Variants in DDB1 observed in about 807,000 individuals in gnomAD.
DDB1 encodes DNA damage-binding protein 1.
A neutral mutation model predicts 133.1 loss-of-function variants in DDB1; 18 were observed. The ratio of observed to expected loss-of-function variants is 0.14; its 90% CI spans 0.09 to 0.20. The LOEUF (loss-of-function observed/expected upper bound fraction) is 0.20. Among genes scored for constraint, DDB1 ranks in the 10% least tolerant of loss-of-function variants. The pLI, the probability that DDB1 is intolerant of heterozygous loss-of-function variation, is 1.00. For synonymous variants in DDB1, 580 were observed against 550.5 expected (o/e 1.05, Z -0.75); for missense variants, 828 against 1,459.2 (o/e 0.57, Z 7.05).
At chr11:61,320,951 A>G (rs1461388735) in intron 10 of DDB1, among the ~76,000 whole-genome samples, 1 of 151,238 alleles carries the variant, frequency 6.6e-6, no homozygotes, top group East Asian at 1.9e-4. Flanking sequence ...TGGCACAATC[A>G]TGGCTCTCTA....
chr11:61,330,276 A>C, intron 2 of DDB1: 1 of 433,434 alleles, frequency 2.3e-6, no homozygotes, highest in East Asian at 3.4e-5. Context: ...AAGCTGGTAA[A>C]CATCTAGTTC....
intron 10 of DDB1, among the ~76,000 whole-genome samples, chr11:61,320,738 G>A (rs1052888715): frequency 7.9e-5 from 12 of 151,996 alleles, no homozygotes; most frequent in Non-Finnish European, 1.5e-4. Flanking sequence ...ACTTTAAGGT[G>A]GTTTTGTTTT....
At chr11:61,321,045 T>G (rs548939689) in intron 10 of DDB1, among the ~76,000 whole-genome samples, 6 of 152,092 alleles carry the variant, frequency 3.9e-5, no homozygotes, top group Non-Finnish European at 4.4e-5. Flanking sequence ...CCATCACCCC[T>G]GGCTAATTTT....
rs769585479 is a variant in DDB1 at position 61,330,039 on chromosome 11, C to G, written c.246G>C (p.Ala82=). The G allele has an allele frequency of 1.2e-6, 2 of 1,613,670 alleles. No homozygotes were observed. Among genetic ancestry groups the G allele is most frequent in the Non-Finnish European group, 1.7e-6 (2 of 1,179,738 alleles). Residue 82 remains alanine, a synonymous_variant, in exon 3 of 27, where the codon GCG becomes GCC. Transcript: ENST00000301764. ...ESKDLLFILT[A]KYNACILEYK... is the part of the protein sequence containing the mutation. ...ACTCCAGGATGCAGGCATTGTACTT[C>G]GCTGTCAAGATAAACAGCAGGTCCT...
chr11:61,315,261 T>C (rs974053578), intron 12 of DDB1: 2 of 152,246 alleles, frequency 1.3e-5, no homozygotes, highest in Non-Finnish European at 2.9e-5. Flanking sequence ...TAGAAATATA[T>C]TGTATAAATT....
Position 61,299,899 on chromosome 11 carries a change from G to A in DDB1, c.*237C>T. The A allele has an allele frequency of 1.8e-6, 1 of 564,482 alleles. No homozygotes were observed. The highest frequency in any genetic ancestry group is 4.8e-4 in the Middle Eastern group (1 of 2,084). The allele number at this position is 564,482 out of a possible 1,614,324, so 35.0% of individuals were successfully genotyped here. ...ACCAATCAAGGCTTGGTGGTCTAAG[G>A]TGATGGCTGGAATCATGTGAGACTG... On this transcript the variant is annotated 3_prime_UTR_variant, in exon 27 of 27. Transcript: ENST00000301764.
Position 61,310,430 on chromosome 11 carries a change from G to C in DDB1, c.2278-12C>G, listed in dbSNP as rs752780298. 47 of 1,593,414 alleles carry C rather than the reference G, an allele frequency of 2.9e-5. No homozygotes were observed. The highest frequency in any genetic ancestry group is 4.0e-5 in the Non-Finnish European group (47 of 1,170,990). On this transcript the variant is annotated splice_polypyrimidine_tract_variant and intron_variant, in intron 18 of 26. Coordinates refer to ENST00000301764, the MANE Select transcript of DDB1 (RefSeq NM_001923.5). ...CTGCTGGACAGAGCCTGCAAACAGA[G>C]AGAATGCACATCATCCTTCTCAAAC...
intron 21 of DDB1, among the ~76,000 whole-genome samples, chr11:61,304,462 G>T (rs1590679443): frequency 6.6e-6 from 1 of 151,568 alleles, no homozygotes; most frequent in African/African-American, 2.4e-5. Context: ...GCGAGACTCT[G>T]TCTCAAAAAA....
At chr11:61,321,422 TAAAGTTTAC>T in intron 10 of DDB1, 164 bp downstream of exon 10, 2 of 434,688 alleles carry the variant, frequency 4.6e-6, no homozygotes, top group East Asian at 3.6e-5. Flanking sequence ...TTTTTTTTTC[TAAAGTTTAC>T]TTTTATACTT....
intron 21 of DDB1, among the ~76,000 whole-genome samples, chr11:61,304,474 A>T (rs556164447): frequency 6.6e-6 from 1 of 152,200 alleles, no homozygotes; most frequent in African/African-American, 2.4e-5. Flanking sequence ...CTCAAAAAAA[A>T]GAAAGAAAGA....
rs1226432777 is a variant in DDB1, at chr11:61,311,724, T to G, written c.2277+60A>C. 11 of 1,474,976 alleles carry G rather than the reference T, an allele frequency of 7.5e-6. No homozygotes were observed. The Admixed American group carries it at 2.3e-4, about 31-fold the overall frequency. The allele number at this position is 1,474,976 out of a possible 1,614,324, so 91.4% of individuals were successfully genotyped here. A position where few individuals can be genotyped will look rare whatever the true frequency, so the allele number is the denominator to read the frequency against. On this transcript the variant is annotated intron_variant, in intron 18 of 26. Coordinates refer to ENST00000301764, the MANE Select transcript of DDB1 (RefSeq NM_001923.5). ...AGCCGAAAGCCTTCACTACCTGGCC[T>G]GTACAGAAAGCTTGCTGGCCCCTGC...
chr11:61,307,530 C>A (rs990080100), intron 21 of DDB1, among the ~76,000 whole-genome samples: 4 of 152,184 alleles, frequency 2.6e-5, no homozygotes, highest in African/African-American at 4.8e-5. Context: ...GGATCTTCAC[C>A]CTATCTCTGA....
rs1484985391 is a variant in DDB1, at chr11:61,330,036, C to T, written c.249G>A (p.Lys83=). Residue 83 remains lysine, a synonymous_variant, in exon 3 of 27, where the codon AAG becomes AAA. Transcript: ENST00000301764. ...SKDLLFILTA[K]YNACILEYKQ... is the part of the protein sequence containing the mutation. ...TATACTCCAGGATGCAGGCATTGTA[C>T]TTCGCTGTCAAGATAAACAGCAGGT... The T allele has an allele frequency of 1.9e-6, 3 of 1,613,756 alleles. No individual in the cohort carries two copies. The highest frequency in any genetic ancestry group is 1.7e-6 in the Non-Finnish European group (2 of 1,179,792).
chr11:61,302,491 G>A (rs921886879), intron 24 of DDB1, 91 bp downstream of exon 24: 15 of 1,586,786 alleles, frequency 9.5e-6, no homozygotes, highest in Non-Finnish European at 1.2e-5. Flanking sequence ...TAAACACCTA[G>A]GTCTTGTACA....
At chr11:61,308,091 C>T (rs770601174) in intron 21 of DDB1, among the ~76,000 whole-genome samples, 2 of 152,216 alleles carry the variant, frequency 1.3e-5, no homozygotes, top group African/African-American at 2.4e-5. Flanking sequence ...CAAACCCTTG[C>T]TCAAACCCTC....
At chr11:61,310,210 T>C in intron 19 of DDB1, 85 bp downstream of exon 19, 1 of 1,532,206 alleles carries the variant, frequency 6.5e-7, no homozygotes, top group Non-Finnish European at 8.8e-7. Context: ...CTGCCACATC[T>C]GTCAGGCTTT....
intron 3 of DDB1, 128 bp from the exon 4 acceptor site, chr11:61,329,712 A>C: frequency 1.2e-6 from 1 of 867,060 alleles, no homozygotes; most frequent in Non-Finnish European, 1.8e-6. Flanking sequence ...TGATAGGCCA[A>C]ATAGTTGGAG....
At chr11:61,328,831 T>A (rs1388823875) in intron 4 of DDB1, among the ~76,000 whole-genome samples, 1 of 151,948 alleles carries the variant, frequency 6.6e-6, no homozygotes, top group Non-Finnish European at 1.5e-5. Flanking sequence ...GATCAGGCCA[T>A]CGCACTCCGG....
intron 4 of DDB1, among the ~76,000 whole-genome samples, chr11:61,328,657 G>T (rs756414729): frequency 6.6e-6 from 1 of 152,180 alleles, no homozygotes; most frequent in Non-Finnish European, 1.5e-5. Context: ...CGGATCATGA[G>T]GTCATGAGTT....
Sources: gnomAD v4.1 joint callset for allele counts (sites outside exome capture counted in the v4.1 genomes callset) on GRCh38, gnomAD v4.1.1 for gene constraint, MANE v1.5 for transcripts, NCBI Gene and HGNC (gene_info 2026-07-23, HGNC 2026-07-21) for gene names.